ACOT13: variants seen among roughly 807,000 people sequenced by gnomAD.
ACOT13 encodes acyl-coenzyme A thioesterase 13.
A neutral mutation model predicts 11.8 loss-of-function variants in ACOT13; 10 were observed. The observed-to-expected ratio is 0.85, with a 90% CI of 0.53 to 1.44. ACOT13 has a LOEUF of 1.44. ACOT13 is among the 40% of genes most tolerant of loss of function. The pLI is 0.00. For missense variants in ACOT13, 172 were observed against 174.1 expected (o/e 0.99, Z 0.07); for synonymous variants, 53 against 61.0 (o/e 0.87, Z 0.61).
At chr6:24,680,270 GT>G (rs1778526349) in intron 1 of ACOT13, among the ~76,000 whole-genome samples, 1 of 152,276 alleles carries the variant, frequency 6.6e-6, no homozygotes, top group African/African-American at 2.4e-5. Flanking sequence ...AAGAGGCCAG[GT>G]TTCTCCCCCT....
chr6:24,678,225 G>C (rs991080276), intron 1 of ACOT13, among the ~76,000 whole-genome samples: 7 of 152,152 alleles, frequency 4.6e-5, no homozygotes, highest in Non-Finnish European at 7.3e-5. Context: ...GGGTGTACAG[G>C]GATGCAGAAA....
chr6:24,670,897 GT>G (rs1346400335), intron 1 of ACOT13, among the ~76,000 whole-genome samples: 3 of 152,016 alleles, frequency 2.0e-5, no homozygotes, highest in Non-Finnish European at 4.4e-5. Flanking sequence ...AGTTCTGAAA[GT>G]TTTTCCTCTA....
At chr6:24,698,174 C>A in intron 2 of ACOT13, 107 bp downstream of exon 2, 2 of 973,898 alleles carry the variant, frequency 2.1e-6, no homozygotes, top group Non-Finnish European at 2.8e-6. Flanking sequence ...CAATTAGCTG[C>A]TTATCTCCTT....
At chr6:24,696,321 G>A (rs1345591733) in intron 1 of ACOT13, among the ~76,000 whole-genome samples, 1 of 152,182 alleles carries the variant, frequency 6.6e-6, no homozygotes, top group Non-Finnish European at 1.5e-5. Flanking sequence ...ATTGGGAGAT[G>A]TGAAGGTGGA....
chr6:24,675,118 T>A (rs973524464), intron 1 of ACOT13, among the ~76,000 whole-genome samples: 11 of 152,252 alleles, frequency 7.2e-5, no homozygotes, highest in African/African-American at 2.6e-4. Context: ...CATTTTCTTA[T>A]TCCAGTCTAT....
intron 1 of ACOT13, among the ~76,000 whole-genome samples, chr6:24,695,036 C>T (rs962341518): frequency 6.6e-6 from 1 of 152,032 alleles, no homozygotes; most frequent in Non-Finnish European, 1.5e-5. Flanking sequence ...AACTGAGGCG[C>T]GGTGGCTCAT....
intron 1 of ACOT13, among the ~76,000 whole-genome samples, chr6:24,692,480 G>T (rs116567070): frequency 6.6e-6 from 1 of 152,170 alleles, no homozygotes; most frequent in Admixed American, 6.5e-5. Context: ...GCAGTGGCAC[G>T]ATCACAGCTT....
At chr6:24,668,513 G>T (rs958321220) in intron 1 of ACOT13, among the ~76,000 whole-genome samples, 3 of 152,224 alleles carry the variant, frequency 2.0e-5, no homozygotes, top group South Asian at 4.1e-4. Flanking sequence ...GAGCCACCAT[G>T]CCCCGCCAAA....
rs560880654 is a variant in ACOT13 at position 24,704,619 on chromosome 6, G to A, written c.*3004G>A. 1.2e-4 allele frequency: 18 copies of A among 152,296 alleles called. No individual in the cohort carries two copies. The highest frequency in any genetic ancestry group is 4.1e-4 in the African/African-American group (17 of 41,570). The allele number at this position is 152,296 out of a possible 1,614,324, so 9.4% of individuals were successfully genotyped here. On this transcript the variant is annotated 3_prime_UTR_variant, in exon 3 of 3. Transcript: ENST00000230048. The stretch of plus-strand genomic sequence containing the variant: ...AATAGATTCTAATTTTTAAATAAGA[G>A]GACACATGAAAGCATTTTGAAATTT...
chr6:24,696,312 T>C (rs1582445836), intron 1 of ACOT13, among the ~76,000 whole-genome samples: 2 of 152,182 alleles, frequency 1.3e-5, no homozygotes, highest in African/African-American at 2.4e-5. Context: ...TAGTTAGTGA[T>C]TGGGAGATGT....
chr6:24,673,383 TAG>T (rs1778392611), intron 1 of ACOT13, among the ~76,000 whole-genome samples: 1 of 152,130 alleles, frequency 6.6e-6, no homozygotes, highest in Non-Finnish European at 1.5e-5. Context: ...TTTTTTGAAA[TAG>T]AGTCTCGCAC....
At chr6:24,677,885 G>C (rs1483663687) in intron 1 of ACOT13, among the ~76,000 whole-genome samples, 3 of 152,190 alleles carry the variant, frequency 2.0e-5, no homozygotes, top group African/African-American at 7.2e-5. Flanking sequence ...GAGGGCCCTT[G>C]TGCCTTTGGA....
chr6:24,690,144 A>G (rs1276993397), intron 1 of ACOT13, among the ~76,000 whole-genome samples: 1 of 152,148 alleles, frequency 6.6e-6, no homozygotes, highest in Non-Finnish European at 1.5e-5. Context: ...GTTTTGTATG[A>G]CTAATGGGCT....
chr6:24,670,082 C>G (rs1317785735), intron 1 of ACOT13, among the ~76,000 whole-genome samples: 1 of 152,264 alleles, frequency 6.6e-6, no homozygotes, highest in East Asian at 1.9e-4. Context: ...TATCTAACAA[C>G]AAGTGGACTG....
chr6:24,685,450 C>T (rs1225897686), intron 1 of ACOT13, among the ~76,000 whole-genome samples: 1 of 151,256 alleles, frequency 6.6e-6, no homozygotes, highest in Non-Finnish European at 1.5e-5. Flanking sequence ...GGGTTCACAC[C>T]ATTCTCCTGC....
At position 24,685,927 on chromosome 6, in the gene ACOT13, G is replaced by A. The variant is rs145491503; in HGVS notation, c.82-11956G>A. Among the ~76,000 whole-genome samples the A allele has an allele frequency of 2.3e-3, 354 of 152,036 alleles. 4 individuals are homozygous for A. Among genetic ancestry groups the A allele is most frequent in the Middle Eastern group, 0.014 (4 of 292 alleles). On this transcript the variant is annotated intron_variant, in intron 1 of 2. Coordinates refer to ENST00000230048, the MANE Select transcript of ACOT13 (RefSeq NM_018473.4). The stretch of plus-strand genomic sequence containing the variant: ...TAACAGTCAGGCTGAGTACCATAGC[G>A]CACACTTGTAATCCCAGCACTTTGG...
intron 1 of ACOT13, among the ~76,000 whole-genome samples, chr6:24,669,097 C>T (rs1778316258): frequency 6.6e-6 from 1 of 152,114 alleles, no homozygotes; most frequent in South Asian, 2.1e-4. Flanking sequence ...CTTGTGAACC[C>T]CAAAAATTTG....
At chr6:24,677,398 A>T (rs1414100583) in intron 1 of ACOT13, among the ~76,000 whole-genome samples, 1 of 152,204 alleles carries the variant, frequency 6.6e-6, no homozygotes, top group Non-Finnish European at 1.5e-5. Flanking sequence ...ACATCATGAG[A>T]TGTTCACACA....
At chr6:24,671,887 T>C (rs1317334695) in intron 1 of ACOT13, among the ~76,000 whole-genome samples, 10 of 152,200 alleles carry the variant, frequency 6.6e-5, no homozygotes, top group Non-Finnish European at 2.9e-5. Context: ...ATTACAGGAA[T>C]TTCCCATAAT....
Sources: allele counts gnomAD v4.1 joint callset (sites outside exome capture counted in the v4.1 genomes callset), GRCh38; gene constraint gnomAD v4.1.1; transcripts MANE v1.5; gene names NCBI Gene and HGNC (gene_info 2026-07-23, HGNC 2026-07-21).